ADGRB3: variants seen among roughly 807,000 people sequenced by gnomAD.
ADGRB3 encodes brain-specific angiogenesis inhibitor 3.
ADGRB3 carries 37 observed loss-of-function variants against 193.4 expected under a neutral mutation model. That is an observed-to-expected ratio of 0.19 (90% CI 0.15 to 0.25). ADGRB3 has a LOEUF of 0.25. Among genes scored for constraint, ADGRB3 ranks in the 10% least tolerant of loss-of-function variants. ADGRB3 has a pLI of 1.00. For synonymous variants in ADGRB3, 690 were observed against 644.2 expected, an observed-to-expected ratio of 1.07 and a Z score of -1.08; for missense variants, 1,637 against 1,852.9, an observed-to-expected ratio of 0.88 and a Z score of 2.14.
chr6:69,206,658 A>G (rs906212660), intron 17 of ADGRB3, among the ~76,000 whole-genome samples: 3 of 152,240 alleles, frequency 2.0e-5, no homozygotes, highest in Admixed American at 6.5e-5. Context: ...TGAAGTCAAT[A>G]AATCTTATGT....
At chr6:69,036,924 A>G (rs771406655) in intron 13 of ADGRB3, among the ~76,000 whole-genome samples, 1 of 152,164 alleles carries the variant, frequency 6.6e-6, no homozygotes, top group Non-Finnish European at 1.5e-5. Flanking sequence ...TCTGCTTTAT[A>G]TTTAAGAATG....
chr6:69,138,217 T>C (rs1323505807), intron 17 of ADGRB3, among the ~76,000 whole-genome samples: 6 of 152,230 alleles, frequency 3.9e-5, no homozygotes, highest in Non-Finnish European at 8.8e-5. Flanking sequence ...GCTGGCAGTC[T>C]CTGCCACATC....
At chr6:68,718,702 A>G (rs1396970928) in intron 3 of ADGRB3, among the ~76,000 whole-genome samples, 5 of 151,770 alleles carry the variant, frequency 3.3e-5, no homozygotes, top group African/African-American at 4.8e-5. Flanking sequence ...AAGACTTTGC[A>G]CGTACAGCAT....
intron 3 of ADGRB3, among the ~76,000 whole-genome samples, chr6:68,671,236 T>C (rs934708976): frequency 1.3e-5 from 2 of 152,060 alleles, no homozygotes; most frequent in African/African-American, 4.8e-5. Flanking sequence ...CCAATTTGGA[T>C]GTCCTGTGTT....
At chr6:68,851,243 GTCTC>G (rs201685793) in intron 3 of ADGRB3, among the ~76,000 whole-genome samples, 1 of 151,508 alleles carries the variant, frequency 6.6e-6, no homozygotes, top group Non-Finnish European at 1.5e-5. Context: ...GCCTCCTTCT[GTCTC>G]TCTCTCTTTC....
At chr6:69,327,397 A>G (rs1192160957) in intron 21 of ADGRB3, among the ~76,000 whole-genome samples, 1 of 152,196 alleles carries the variant, frequency 6.6e-6, no homozygotes. Context: ...GTACAGCTTG[A>G]TGTGGATCAA....
At chr6:68,973,914 G>A (rs912994717) in intron 8 of ADGRB3, among the ~76,000 whole-genome samples, 1 of 152,066 alleles carries the variant, frequency 6.6e-6, no homozygotes, top group African/African-American at 2.4e-5. Context: ...TTATATTACA[G>A]TTAAACATCT....
chr6:69,086,097 G>A (rs998459014), intron 17 of ADGRB3, among the ~76,000 whole-genome samples: 2 of 151,838 alleles, frequency 1.3e-5, no homozygotes, highest in Non-Finnish European at 2.9e-5. Context: ...TTTATATTTG[G>A]AGTCAAATTG....
chr6:68,678,601 G>T (rs527317590), intron 3 of ADGRB3, among the ~76,000 whole-genome samples: 1 of 152,260 alleles, frequency 6.6e-6, no homozygotes, highest in South Asian at 2.1e-4. Flanking sequence ...TCAAAGGAAG[G>T]TTGGATGAAG....
At chr6:69,062,904 C>G (rs1320865649) in intron 15 of ADGRB3, 30 bp from the exon 16 acceptor site, 1 of 1,516,190 alleles carries the variant, frequency 6.6e-7, no homozygotes, top group Admixed American at 1.7e-5. Flanking sequence ...GCACTCATTT[C>G]TCCTTTTAAT....
At chr6:68,963,561 A>G (rs1407288023) in intron 8 of ADGRB3, among the ~76,000 whole-genome samples, 1 of 152,172 alleles carries the variant, frequency 6.6e-6, no homozygotes, top group Non-Finnish European at 1.5e-5. Context: ...ATTTTAATAT[A>G]CATTTGTTCA....
Position 69,198,834 on chromosome 6 carries a change from A to G in ADGRB3, c.2481-34456A>G, listed in dbSNP as rs559523487. 9.9e-5 allele frequency among the ~76,000 whole-genome samples: 15 copies of G among 152,272 alleles called. No individual in the cohort carries two copies. In the East Asian group the frequency reaches 2.9e-3, roughly 29 times the overall value. On this transcript the variant is annotated intron_variant, in intron 17 of 31. Transcript: ENST00000370598. ...TAAATATGGTGTGATTCCAGTACAT[A>G]TACTCAGATAAATTAATTGATTAAT...
At chr6:68,767,351 T>A (rs551276502) in intron 3 of ADGRB3, among the ~76,000 whole-genome samples, 21 of 152,306 alleles carry the variant, frequency 1.4e-4, no homozygotes, top group Non-Finnish European at 2.6e-4. Flanking sequence ...CATGATCAAG[T>A]CAGCTTTATC....
chr6:68,878,731 C>T (rs903703736), intron 3 of ADGRB3, among the ~76,000 whole-genome samples: 2 of 152,136 alleles, frequency 1.3e-5, no homozygotes, highest in African/African-American at 2.4e-5. Flanking sequence ...TCCATTTTCA[C>T]ACTACTGATA....
chr6:68,719,310 A>G lies in ADGRB3; in HGVS notation c.757+79878A>G, dbSNP rs189089962. On this transcript the variant is annotated intron_variant, in intron 3 of 31. Transcript: ENST00000370598. ...CAATAGCCACTAGGCCTATATGGCT[A>G]TGGAACATTTTAGGTATGACTAGTG... Among the ~76,000 whole-genome samples, 564 of 151,880 alleles carry G rather than the reference A, an allele frequency of 3.7e-3. 7 individuals carry two copies. Among genetic ancestry groups the G allele is most frequent in the Non-Finnish European group, 4.8e-3 (327 of 67,826 alleles).
intron 3 of ADGRB3, among the ~76,000 whole-genome samples, chr6:68,649,661 A>AT (rs1435015928): frequency 2.0e-5 from 3 of 152,170 alleles, no homozygotes; most frequent in Non-Finnish European, 4.4e-5. Flanking sequence ...TCTATCTTGG[A>AT]TTTTTACTTT....
chr6:68,912,828 G>C (rs187940861), intron 3 of ADGRB3, among the ~76,000 whole-genome samples: 1 of 152,062 alleles, frequency 6.6e-6, no homozygotes, highest in Non-Finnish European at 1.5e-5. Flanking sequence ...GGTGACAGAC[G>C]GCACCTGGAA....
chr6:69,356,492 A>C (rs1769339795), intron 28 of ADGRB3, among the ~76,000 whole-genome samples: 1 of 152,026 alleles, frequency 6.6e-6, no homozygotes, highest in Non-Finnish European at 1.5e-5. Flanking sequence ...TGGAGGAAGA[A>C]GGAGAGAGAG....
At chr6:69,079,713 A>C (rs1270999135) in intron 17 of ADGRB3, among the ~76,000 whole-genome samples, 3 of 152,108 alleles carry the variant, frequency 2.0e-5, no homozygotes, top group Non-Finnish European at 1.5e-5. Context: ...CTAAATTTGG[A>C]TTTTGAGTAT....
Sources: allele counts gnomAD v4.1 joint callset (sites outside exome capture counted in the v4.1 genomes callset), GRCh38; gene constraint gnomAD v4.1.1; transcripts MANE v1.5; gene names NCBI Gene and HGNC (gene_info 2026-07-23, HGNC 2026-07-21).